The following PHF21A variants were observed in gnomAD, a reference collection of about 807,000 sequenced individuals.
PHF21A encodes BHC80a.
Under a neutral mutation model 82.5 loss-of-function variants are expected in PHF21A, and 11 were observed. That is an observed-to-expected ratio of 0.13 (90% confidence interval 0.08 to 0.22). PHF21A has a LOEUF of 0.22. Ranked by LOEUF, PHF21A falls within the 10% of genes least tolerant of loss-of-function variation. The pLI, the probability that PHF21A is intolerant of heterozygous loss-of-function variation, is 1.00. For synonymous variants in PHF21A, 297 were observed against 302.8 expected (o/e 0.98, Z 0.20); for missense variants, 579 against 837.8 (o/e 0.69, Z 3.81).
chr11:45,949,338 G>T, intron 13 of PHF21A, 64 bp downstream of exon 13: 1 of 1,292,142 alleles, frequency 7.7e-7, no homozygotes, highest in Non-Finnish European at 1.1e-6. Flanking sequence ...CAGAGGGGAG[G>T]CACTGAACAG....
At chr11:45,959,246 T>C (rs1463803970) in intron 10 of PHF21A, among the ~76,000 whole-genome samples, 3 of 152,198 alleles carry the variant, frequency 2.0e-5, no homozygotes, top group East Asian at 1.9e-4. Flanking sequence ...TGTGAGGAGA[T>C]AGATATATTA....
chr11:46,119,910 G>GGCGGCCGCGGCCCCTCTCGGA (rs1852599754), intron 1 of PHF21A: 2 of 146,180 alleles, frequency 1.4e-5, no homozygotes, highest in African/African-American at 2.5e-5. Context: ...GCGGGGGAGG[G>GGCGGCCGCGGCCCCTCTCGGA]GCGGCCGCGG....
intron 6 of PHF21A, among the ~76,000 whole-genome samples, chr11:46,043,496 TATTA>T (rs1470832144): frequency 1.3e-5 from 2 of 152,122 alleles, no homozygotes; most frequent in Non-Finnish European, 2.9e-5. Context: ...GTCTATTAGT[TATTA>T]ATATCTGCAA....
chr11:46,094,944 T>C (rs941267303), intron 1 of PHF21A, among the ~76,000 whole-genome samples: 1 of 152,142 alleles, frequency 6.6e-6, no homozygotes, highest in Non-Finnish European at 1.5e-5. Context: ...GGGATCCCCA[T>C]GAATGGGCTT....
intron 6 of PHF21A, among the ~76,000 whole-genome samples, chr11:46,064,526 T>C (rs374147814): frequency 5.9e-5 from 9 of 152,296 alleles, no homozygotes; most frequent in South Asian, 2.1e-4. Flanking sequence ...GGGAAACATA[T>C]CTTCTGAAAA....
chr11:46,043,751 G>T (rs1164602930), intron 6 of PHF21A, among the ~76,000 whole-genome samples: 1 of 152,068 alleles, frequency 6.6e-6, no homozygotes, highest in Non-Finnish European at 1.5e-5. Context: ...TGCAATGTCT[G>T]CATCTCCCAC....
chr11:46,018,058 G>A (rs938056358), intron 6 of PHF21A, among the ~76,000 whole-genome samples: 6 of 151,692 alleles, frequency 4.0e-5, no homozygotes, highest in African/African-American at 7.3e-5. Flanking sequence ...AGACCATCCC[G>A]GCTAAAACGG....
At chr11:46,059,305 A>G (rs1017431903) in intron 6 of PHF21A, among the ~76,000 whole-genome samples, 2 of 152,254 alleles carry the variant, frequency 1.3e-5, no homozygotes, top group East Asian at 3.8e-4. Flanking sequence ...AAATGATAGG[A>G]TACTATCAAG....
In PHF21A at chr11:45,998,984, G is replaced by A. The variant is rs182962836; in HGVS notation, c.154-19018C>T. ...TGGGATTACAGGCACCTGCCACCAC[G>A]CCTGGCTAATTTTTATATTTTTTGC... On this transcript the variant is annotated intron_variant, in intron 6 of 18. Coordinates refer to ENST00000676320, the MANE Select transcript of PHF21A (RefSeq NM_001352027.3). 2.3e-3 allele frequency among the ~76,000 whole-genome samples: 350 copies of A among 151,806 alleles called. 1 individual carries two copies. Among genetic ancestry groups the A allele is most frequent in the African/African-American group, 7.9e-3 (325 of 41,340 alleles).
chr11:45,998,523 T>A (rs1045618355), intron 6 of PHF21A, among the ~76,000 whole-genome samples: 1 of 152,188 alleles, frequency 6.6e-6, no homozygotes, highest in South Asian at 2.1e-4. Flanking sequence ...TTTTTCTTTT[T>A]TTTTTTTAAA....
chr11:45,972,731 T>C (rs1235554156), intron 7 of PHF21A, among the ~76,000 whole-genome samples: 4 of 152,116 alleles, frequency 2.6e-5, no homozygotes, highest in Non-Finnish European at 5.9e-5. Context: ...CTGGCCAACA[T>C]GGTGAAACCC....
At chr11:46,089,161 G>A (rs561330725) in intron 3 of PHF21A, among the ~76,000 whole-genome samples, 2 of 152,128 alleles carry the variant, frequency 1.3e-5, no homozygotes, top group African/African-American at 4.8e-5. Flanking sequence ...TTTAAAGTAG[G>A]TTTAATTCAT....
intron 16 of PHF21A, chr11:45,936,782 C>T (rs1341579483): frequency 2.9e-5 from 15 of 522,250 alleles, no homozygotes; most frequent in Middle Eastern, 5.0e-4. Context: ...AGAGCCAGGA[C>T]ACTTGAGCCC....
At chr11:46,059,164 C>T (rs1227295401) in intron 6 of PHF21A, among the ~76,000 whole-genome samples, 1 of 151,998 alleles carries the variant, frequency 6.6e-6, no homozygotes, top group East Asian at 1.9e-4. Flanking sequence ...ATCAAAATTA[C>T]GTACAAATAT....
chr11:46,091,296 T>G (rs538645269), intron 2 of PHF21A, among the ~76,000 whole-genome samples: 29 of 152,324 alleles, frequency 1.9e-4, no homozygotes, highest in African/African-American at 6.7e-4. Flanking sequence ...AGCTATCTTA[T>G]TTGAGTGTAA....
intron 6 of PHF21A, among the ~76,000 whole-genome samples, chr11:45,999,617 G>A (rs529698499): frequency 3.3e-5 from 5 of 152,280 alleles, no homozygotes; most frequent in South Asian, 2.1e-4. Context: ...AATTTAGGAG[G>A]AGCTGAATAT....
At chr11:46,094,476 T>C (rs2096966354) in intron 1 of PHF21A, among the ~76,000 whole-genome samples, 1 of 152,218 alleles carries the variant, frequency 6.6e-6, no homozygotes, top group Non-Finnish European at 1.5e-5. Flanking sequence ...AGACCTCACT[T>C]TCTCTTAACC....
At chr11:46,028,650 T>C (rs748890877) in intron 6 of PHF21A, among the ~76,000 whole-genome samples, 1 of 148,990 alleles carries the variant, frequency 6.7e-6, no homozygotes, top group Non-Finnish European at 1.5e-5. Context: ...CTCGGCTCAC[T>C]GCAACCTCCG....
At chr11:46,063,655 T>C (rs1210230047) in intron 6 of PHF21A, among the ~76,000 whole-genome samples, 1 of 152,120 alleles carries the variant, frequency 6.6e-6, no homozygotes. Context: ...AAGTAATGGC[T>C]AAAACCACTT....
Sources: gnomAD v4.1 joint callset for allele counts (sites outside exome capture counted in the v4.1 genomes callset) on GRCh38, gnomAD v4.1.1 for gene constraint, MANE v1.5 for transcripts, NCBI Gene and HGNC (gene_info 2026-07-23, HGNC 2026-07-21) for gene names.